The following LDLRAD3 variants were observed in gnomAD, a reference collection of about 807,000 sequenced individuals.
LDLRAD3 encodes low-density lipoprotein receptor class A domain-containing protein 3.
Under a neutral mutation model 29.4 loss-of-function variants are expected in LDLRAD3, and 20 were observed. The observed-to-expected ratio is 0.68, with a 90% CI of 0.48 to 0.99. The LOEUF (loss-of-function observed/expected upper bound fraction) is 0.99. Among genes scored for constraint, LDLRAD3 ranks in the 50% least tolerant of loss-of-function variants. LDLRAD3 has a pLI of 0.00. For missense variants in LDLRAD3, 420 were observed against 454.3 expected (o/e 0.92, Z 0.69); for synonymous variants, 157 against 192.7 (o/e 0.81, Z 1.53).
intron 4 of LDLRAD3, among the ~76,000 whole-genome samples, chr11:36,221,363 ATC>A (rs1855423833): frequency 7.7e-6 from 1 of 130,092 alleles, no homozygotes; most frequent in African/African-American, 2.9e-5. Context: ...GTGAGACTCC[ATC>A]TCAAAAAAAA....
intron 4 of LDLRAD3, among the ~76,000 whole-genome samples, chr11:36,216,998 C>T (rs1225334982): frequency 6.6e-6 from 1 of 152,160 alleles, no homozygotes; most frequent in Non-Finnish European, 1.5e-5. Flanking sequence ...AGTTGTACCA[C>T]TTGTTTGCTC....
At chr11:36,194,000 G>C (rs1854994433) in intron 4 of LDLRAD3, among the ~76,000 whole-genome samples, 1 of 152,166 alleles carries the variant, frequency 6.6e-6, no homozygotes, top group Non-Finnish European at 1.5e-5. Flanking sequence ...ACATTGAGAG[G>C]TGAGATAACA....
At chr11:36,014,368 G>T (rs1380500439) in intron 1 of LDLRAD3, among the ~76,000 whole-genome samples, 2 of 152,224 alleles carry the variant, frequency 1.3e-5, no homozygotes, top group East Asian at 3.9e-4. Context: ...ACCAGCCTAG[G>T]CTTTAATGAA....
At chr11:36,165,394 C>T (rs1225879957) in intron 4 of LDLRAD3, among the ~76,000 whole-genome samples, 3 of 151,544 alleles carry the variant, frequency 2.0e-5, no homozygotes, top group South Asian at 2.1e-4. Context: ...GATAGATTAC[C>T]GTAAGATTTA....
At chr11:36,110,325 T>C (rs1853588759) in intron 4 of LDLRAD3, among the ~76,000 whole-genome samples, 1 of 152,192 alleles carries the variant, frequency 6.6e-6, no homozygotes, top group Admixed American at 6.5e-5. Flanking sequence ...TTCCCCTCCT[T>C]GTCCCTCTCC....
rs562516373 is a variant in LDLRAD3, at chr11:36,162,697, C to G, written c.454+64236C>G. 8.2e-4 allele frequency among the ~76,000 whole-genome samples: 125 copies of G among 152,276 alleles called. 1 individual carries two copies. Among genetic ancestry groups the G allele is most frequent in the Admixed American group, 3.5e-3 (53 of 15,300 alleles). On this transcript the variant is annotated intron_variant, in intron 4 of 5. Coordinates refer to ENST00000315571, the MANE Select transcript of LDLRAD3 (RefSeq NM_174902.4). ...CCGTGGTCCCTAAGTCTATAGCTTCCCACTGGAGACTGACTTAATTAGCCA... is the reference window on the plus strand; with the variant it reads ...CCGTGGTCCCTAAGTCTATAGCTTCGCACTGGAGACTGACTTAATTAGCCA...
chr11:36,099,082 T>C (rs1853408136), intron 4 of LDLRAD3, among the ~76,000 whole-genome samples: 1 of 152,178 alleles, frequency 6.6e-6, no homozygotes, highest in Non-Finnish European at 1.5e-5. Flanking sequence ...TGAGCAGAGT[T>C]CACATTTTTT....
intron 1 of LDLRAD3, among the ~76,000 whole-genome samples, chr11:36,018,662 GC>G (rs1010932034): frequency 2.6e-5 from 4 of 152,256 alleles, no homozygotes; most frequent in African/African-American, 9.6e-5. Flanking sequence ...TGTGCCAGGT[GC>G]TGTCAAATGG....
chr11:36,131,635 C>A (rs2133306351), intron 4 of LDLRAD3, among the ~76,000 whole-genome samples: 1 of 152,260 alleles, frequency 6.6e-6, no homozygotes, highest in African/African-American at 2.4e-5. Flanking sequence ...ACTGTCTTAG[C>A]CATTTTTAAG....
rs1853116890 is a variant in LDLRAD3, at chr11:36,081,690, C to T, written c.231C>T (p.Pro77=). Reference sequence around the variant, plus strand: ...CGAAATGTGGCCCAACCTTCTTCCCCTGTGCCAGCGGCATCCATTGCATCA... The same window carrying T: ...CGAAATGTGGCCCAACCTTCTTCCCTTGTGCCAGCGGCATCCATTGCATCA... ...AKSKCGPTFF[P]CASGIHCIIG... The change falls in exon 3 of 6, where the codon CCC becomes CCT. Residue 77 remains proline (P), a synonymous_variant. Coordinates refer to ENST00000315571, the MANE Select transcript of LDLRAD3 (RefSeq NM_174902.4). 1.2e-6 allele frequency: 2 copies of T among 1,614,226 alleles called. No homozygotes were observed. Among genetic ancestry groups the T allele is most frequent in the East Asian group, 4.5e-5 (2 of 44,882 alleles).
intron 4 of LDLRAD3, among the ~76,000 whole-genome samples, chr11:36,098,688 A>G (rs1414511849): frequency 1.3e-5 from 2 of 152,206 alleles, no homozygotes; most frequent in Non-Finnish European, 2.9e-5. Context: ...ATTAAATATC[A>G]TCTATACATT....
intron 4 of LDLRAD3, among the ~76,000 whole-genome samples, chr11:36,117,646 C>T (rs1047469605): frequency 3.9e-5 from 6 of 152,342 alleles, no homozygotes; most frequent in African/African-American, 1.4e-4. Context: ...CTGGTTCCCA[C>T]CCAGCGTGAC....
intron 4 of LDLRAD3, among the ~76,000 whole-genome samples, chr11:36,105,825 A>C (rs1361157707): frequency 6.6e-6 from 1 of 152,190 alleles, no homozygotes; most frequent in Non-Finnish European, 1.5e-5. Flanking sequence ...CTATTGTTTT[A>C]GCTGCCTAGT....
At chr11:36,022,427 ATTT>A (rs77577718) in intron 1 of LDLRAD3, among the ~76,000 whole-genome samples, 1 of 148,390 alleles carries the variant, frequency 6.7e-6, no homozygotes, top group African/African-American at 2.5e-5. Context: ...GAATTTTAGT[ATTT>A]TTTTTTTTCT....
chr11:36,209,960 G>A (rs2133380809), intron 4 of LDLRAD3, among the ~76,000 whole-genome samples: 1 of 152,348 alleles, frequency 6.6e-6, no homozygotes, highest in Non-Finnish European at 1.5e-5. Context: ...CTGGGGAGGG[G>A]AAGCCCATGG....
intron 4 of LDLRAD3, among the ~76,000 whole-genome samples, chr11:36,144,526 C>T (rs1361982266): frequency 3.3e-5 from 5 of 150,508 alleles, no homozygotes; most frequent in African/African-American, 9.8e-5. Flanking sequence ...ATGTGGGGAG[C>T]GCCTCTGCCC....
chr11:36,182,411 C>A (rs1034347201), intron 4 of LDLRAD3, among the ~76,000 whole-genome samples: 7 of 152,132 alleles, frequency 4.6e-5, no homozygotes, highest in Admixed American at 2.6e-4. Context: ...AGTATAGAGA[C>A]TTAGAAAGTA....
intron 2 of LDLRAD3, among the ~76,000 whole-genome samples, chr11:36,065,277 A>C (rs1352996604): frequency 6.6e-6 from 1 of 152,164 alleles, no homozygotes; most frequent in Non-Finnish European, 1.5e-5. Context: ...GACTCTAGGA[A>C]CTGAACTTTT....
In LDLRAD3 at chr11:36,174,364, G is replaced by A. The variant is rs550313216; in HGVS notation, c.455-52721G>A. On this transcript the variant is annotated intron_variant, in intron 4 of 5. Coordinates refer to ENST00000315571, the MANE Select transcript of LDLRAD3 (RefSeq NM_174902.4). ...GCAACAAAAGCCAAAATTGACAAGT[G>A]GGATCTAATTAAACTAAAGAGCTTC... is the stretch of plus-strand genomic sequence containing the variant. Among the ~76,000 whole-genome samples the A allele has an allele frequency of 4.6e-5, 7 of 152,268 alleles. No homozygotes were observed. The South Asian group carries it at 8.3e-4, about 18-fold the overall frequency.
Sources: allele counts gnomAD v4.1 joint callset (sites outside exome capture counted in the v4.1 genomes callset), GRCh38; gene constraint gnomAD v4.1.1; transcripts MANE v1.5; gene names NCBI Gene and HGNC (gene_info 2026-07-23, HGNC 2026-07-21).